Variants in CTBP2 observed in about 807,000 individuals in gnomAD.
The protein encoded by CTBP2 is C-terminal binding protein 2.
CTBP2 carries 30 observed loss-of-function variants against 80.3 expected under a neutral mutation model. That is an observed-to-expected ratio of 0.37 (90% confidence interval 0.28 to 0.51). CTBP2 has a LOEUF of 0.51. Among genes scored for constraint, CTBP2 ranks in the 20% least tolerant of loss-of-function variants. The probability of loss-of-function intolerance (pLI) is 0.93; values close to 1 mark genes in which losing one functional copy is unlikely to be tolerated. For synonymous variants in CTBP2, 594 were observed against 587.4 expected, an observed-to-expected ratio of 1.01 and a Z score of -0.16; for missense variants, 1,212 against 1,375.3, an observed-to-expected ratio of 0.88 and a Z score of 1.88.
intron 1 of CTBP2, among the ~76,000 whole-genome samples, chr10:125,022,607 CA>C (rs1439364915): frequency 6.6e-6 from 1 of 152,260 alleles, no homozygotes; most frequent in Admixed American, 6.5e-5. Flanking sequence ...GTCCAGGACT[CA>C]GGGGTCCTGG....
At chr10:125,021,124 CCT>C (rs1265878472) in intron 1 of CTBP2, among the ~76,000 whole-genome samples, 3 of 152,132 alleles carry the variant, frequency 2.0e-5, no homozygotes, top group South Asian at 2.1e-4. Context: ...AAGTTTGGCC[CCT>C]GAGACCCCGA....
intron 2 of CTBP2, among the ~76,000 whole-genome samples, chr10:125,075,815 T>C (rs1846192459): frequency 6.6e-6 from 1 of 152,188 alleles, no homozygotes; most frequent in African/African-American, 2.4e-5. Context: ...GGAACACAAC[T>C]CCCATGCGCA....
At chr10:125,089,555 T>A (rs1387167034) in intron 2 of CTBP2, among the ~76,000 whole-genome samples, 1 of 152,082 alleles carries the variant, frequency 6.6e-6, no homozygotes, top group East Asian at 1.9e-4. Flanking sequence ...AGTCTACACA[T>A]TTGCAAAGTG....
In CTBP2 at chr10:125,026,315, G is replaced by A. The variant is rs763656609; in HGVS notation, c.1445C>T (p.Thr482Met). 64 of 1,613,830 alleles carry A rather than the reference G, an allele frequency of 4.0e-5. 1 individual carries two copies. In the South Asian group the frequency reaches 5.6e-4, roughly 14 times the overall value. The change falls in exon 1 of 9, where the codon ACG becomes ATG. Residue 482 changes from threonine to methionine, a missense_variant. Thr to Met is a moderately conservative substitution (Grantham distance 81). Around this residue, in one of 3 missense-constraint regions of CTBP2, gnomAD observed 848 missense variants for 782.3 expected, o/e 1.08. Transcript: ENST00000309035. ...CAGCTCCATGGGCACCGTGTATGCC[G>A]TGGAGTAGGCTGTTCTGGGGCCTGG...
intron 1 of CTBP2, among the ~76,000 whole-genome samples, chr10:125,130,481 G>C (rs1395612256): frequency 6.6e-6 from 1 of 152,106 alleles, no homozygotes; most frequent in African/African-American, 2.4e-5. Context: ...CACACGACTT[G>C]GACGCAGCTG....
intron 2 of CTBP2, among the ~76,000 whole-genome samples, chr10:125,051,719 C>CA (rs1277611348): frequency 6.6e-6 from 1 of 151,536 alleles, no homozygotes; most frequent in Non-Finnish European, 1.5e-5. Context: ...CTGACTGTTA[C>CA]AGGTTGAATT....
rs565237646 is a variant in CTBP2 at position 125,049,438 on chromosome 10, C to T, written c.-101-10283G>A. ...TCCTGGGGAGCCCCCACCTGAGCTC[C>T]GGTGCCACCTCCCCCAGGCAGCGCC... On this transcript the variant is annotated intron_variant, in intron 2 of 10. Coordinates refer to the CTBP2 transcript ENST00000337195. Among the ~76,000 whole-genome samples, 154 of 152,330 alleles carry T rather than the reference C, an allele frequency of 1.0e-3. 2 individuals carry two copies. The highest frequency in any genetic ancestry group is 1.8e-3 in the Admixed American group (28 of 15,308).
intron 2 of CTBP2, among the ~76,000 whole-genome samples, chr10:125,050,551 G>A (rs545325574): frequency 2.5e-4 from 38 of 152,340 alleles, no homozygotes; most frequent in African/African-American, 8.9e-4. Context: ...ATGGGGAGGA[G>A]GAGGGTGGGA....
rs1019606321 is a variant in CTBP2 at position 124,987,778 on chromosome 10, A to G, written c.*1740T>C. 3.9e-5 allele frequency: 6 copies of G among 152,230 alleles called. No individual in the cohort carries two copies. In the South Asian group the frequency reaches 1.0e-3, roughly 26 times the overall value. The allele number at this position is 152,230 out of a possible 1,614,324, so 9.4% of individuals were successfully genotyped here. A position where few individuals can be genotyped will look rare whatever the true frequency, so the allele number is the denominator to read the frequency against. Reference sequence around the variant, plus strand: ...TTTTCTTGTTTTGTTTTAATTGGGAAGGGAAGTATAAGGAAGAGCTCAGAG... The same window carrying G: ...TTTTCTTGTTTTGTTTTAATTGGGAGGGGAAGTATAAGGAAGAGCTCAGAG... On this transcript the variant is annotated 3_prime_UTR_variant, in exon 9 of 9. Coordinates refer to ENST00000309035, the MANE Select transcript of CTBP2 (RefSeq NM_022802.3).
chr10:125,033,035 G>A (rs746790412), upstream of CTBP2, among the ~76,000 whole-genome samples: 6 of 152,188 alleles, frequency 3.9e-5, no homozygotes, highest in Non-Finnish European at 8.8e-5. Context: ...CTTAGGATAC[G>A]AAAGAACTGA....
At chr10:125,065,594 G>C (rs1590466214) in intron 2 of CTBP2, among the ~76,000 whole-genome samples, 1 of 152,136 alleles carries the variant, frequency 6.6e-6, no homozygotes, top group African/African-American at 2.4e-5. Context: ...GTGGGTCTCT[G>C]AGCTGAGAGC....
At chr10:125,096,088 TCTTTTGTCCC>T (rs1849504983) in intron 2 of CTBP2, among the ~76,000 whole-genome samples, 1 of 152,222 alleles carries the variant, frequency 6.6e-6, no homozygotes, top group African/African-American at 2.4e-5. Flanking sequence ...AGGGGGTTAT[TCTTTTGTCCC>T]CTTTGTCAAA....
At chr10:125,090,005 A>C (rs1302611102) in intron 2 of CTBP2, among the ~76,000 whole-genome samples, 1 of 152,168 alleles carries the variant, frequency 6.6e-6, no homozygotes, top group Non-Finnish European at 1.5e-5. Context: ...GGGCCCCAGC[A>C]GTCAGCACCA....
At chr10:125,133,923 C>T (rs1400626006) in intron 1 of CTBP2, among the ~76,000 whole-genome samples, 8 of 152,144 alleles carry the variant, frequency 5.3e-5, no homozygotes, top group Non-Finnish European at 2.9e-5. Context: ...TTCCTAACCA[C>T]GGCTGGAAGA....
Position 124,998,087 on chromosome 10 carries a change from T to G in CTBP2, c.2062A>C (p.Arg688=). The change falls in exon 4 of 9, where the codon AGG becomes CGG. Residue 688 remains arginine (R), a synonymous_variant. Transcript: ENST00000309035. Reference sequence around the variant, plus strand: ...AGTGCCTGGTACAGCCACGTGTTCCTCCGGTACAGGTTGAGGATGTGGCAG... The same window carrying G: ...AGTGCCTGGTACAGCCACGTGTTCCGCCGGTACAGGTTGAGGATGTGGCAG... 1 of 1,612,988 alleles carries G rather than the reference T, an allele frequency of 6.2e-7. No homozygotes were observed. Among genetic ancestry groups the G allele is most frequent in the South Asian group, 1.1e-5 (1 of 90,928 alleles).
At chr10:125,018,129 T>G (rs1460855754) in intron 1 of CTBP2, among the ~76,000 whole-genome samples, 1 of 152,212 alleles carries the variant, frequency 6.6e-6, no homozygotes, top group Non-Finnish European at 1.5e-5. Context: ...GGCCACCCCC[T>G]GCTGTGGGAC....
In CTBP2 at chr10:125,103,255, C is replaced by A. The variant is rs577920282; in HGVS notation, c.-102+7735G>T. ...ATGTGCCCAGCCCACTCCACACCCC[C>A]CTGGCCCCACTGCAGCCTGGATTCA... On this transcript the variant is annotated intron_variant, in intron 2 of 10. Transcript: ENST00000337195. Among the ~76,000 whole-genome samples the A allele has an allele frequency of 2.6e-5, 4 of 152,198 alleles. 1 individual carries two copies. Among genetic ancestry groups the A allele is most frequent in the Non-Finnish European group, 4.4e-5 (3 of 68,034 alleles).
intron 1 of CTBP2, among the ~76,000 whole-genome samples, chr10:125,142,434 T>C (rs1043158153): frequency 2.6e-5 from 4 of 152,056 alleles, no homozygotes; most frequent in African/African-American, 9.7e-5. Context: ...CCTTCTACTA[T>C]CAAAAAGGAG....
At chr10:125,120,016 G>A (rs554794624) in intron 1 of CTBP2, among the ~76,000 whole-genome samples, 1 of 152,364 alleles carries the variant, frequency 6.6e-6, no homozygotes, top group South Asian at 2.1e-4. Flanking sequence ...CCTCATGCAA[G>A]TTCGATACAG....
Sources: gnomAD v4.1 joint callset for allele counts (sites outside exome capture counted in the v4.1 genomes callset) on GRCh38, gnomAD v4.1.1 for gene constraint, gnomAD v4.1.1 regional missense constraint, MANE v1.5 for transcripts, NCBI Gene and HGNC (gene_info 2026-07-23, HGNC 2026-07-21) for gene names.